Variants in GPHN observed in about 807,000 individuals in gnomAD.
The protein encoded by GPHN is gephyrin.
GPHN carries 17 observed loss-of-function variants against 95.5 expected under a neutral mutation model. The observed-to-expected ratio is 0.18, with a 90% CI of 0.12 to 0.27. The LOEUF is 0.27. GPHN is among the 10% of genes least tolerant of loss of function. GPHN has a pLI of 1.00. For missense variants in GPHN, 660 were observed against 978.1 expected, an observed-to-expected ratio of 0.67 and a Z score of 4.34; for synonymous variants, 320 against 322.5, an observed-to-expected ratio of 0.99 and a Z score of 0.08.
At chr14:67,610,577 A>G in the GPHN span, among the ~76,000 whole-genome samples, 1 of 152,150 alleles carries the variant, frequency 6.6e-6, no homozygotes, top group Non-Finnish European at 1.5e-5. Context: ...AACTTCCTCA[A>G]CTACTCCTAT....
At chr14:66,781,084 C>T (rs1027504553) in intron 3 of GPHN, among the ~76,000 whole-genome samples, 5 of 152,178 alleles carry the variant, frequency 3.3e-5, no homozygotes, top group African/African-American at 7.2e-5. Flanking sequence ...TTCAATTACA[C>T]GTATATTTAT....
intron 21 of GPHN, among the ~76,000 whole-genome samples, chr14:67,176,437 G>C (rs548493974): frequency 6.6e-6 from 1 of 152,142 alleles, no homozygotes; most frequent in Non-Finnish European, 1.5e-5. Context: ...CCACTTGATC[G>C]TGGTGGATAA....
intron 10 of GPHN, among the ~76,000 whole-genome samples, chr14:67,041,773 G>A (rs1335591151): frequency 6.6e-6 from 1 of 152,150 alleles, no homozygotes; most frequent in African/African-American, 2.4e-5. Context: ...TCTAATTCTA[G>A]ATCTTTGATG....
chr14:66,927,311 T>C lies in GPHN; in HGVS notation c.828+3019T>C, dbSNP rs544628366. On this transcript the variant is annotated intron_variant, in intron 8 of 22. Transcript: ENST00000478722. Reference sequence around the variant, plus strand: ...TTGCAGTGAGCTAAGATCGTGCCACTGCACTTCAGCCTGCGTGATGGAGCA... The same window carrying C: ...TTGCAGTGAGCTAAGATCGTGCCACCGCACTTCAGCCTGCGTGATGGAGCA... Among the ~76,000 whole-genome samples, 15 of 149,164 alleles carry C rather than the reference T, an allele frequency of 1.0e-4. No homozygotes were observed. In the South Asian group the frequency reaches 3.2e-3, roughly 31 times the overall value.
chr14:67,617,175 C>G, the GPHN span: 1 of 152,350 alleles, frequency 6.6e-6, no homozygotes, highest in Non-Finnish European at 1.5e-5. Flanking sequence ...CCGTACCTGG[C>G]CCTATTTTTA....
chr14:67,041,271 C>CT (rs2074686986), intron 10 of GPHN, among the ~76,000 whole-genome samples: 1 of 151,416 alleles, frequency 6.6e-6, no homozygotes, highest in African/African-American at 2.4e-5. Context: ...AGAAGGTGCA[C>CT]TTTTTTTACA....
At chr14:66,812,008 G>A (rs2060783258) in intron 3 of GPHN, among the ~76,000 whole-genome samples, 1 of 152,230 alleles carries the variant, frequency 6.6e-6, no homozygotes, top group Non-Finnish European at 1.5e-5. Context: ...TAGCCTGAGA[G>A]TAGGCCCCAA....
chr14:67,194,209 C>G, the GPHN span, among the ~76,000 whole-genome samples: 3 of 151,132 alleles, frequency 2.0e-5, no homozygotes, highest in Non-Finnish European at 4.4e-5. Flanking sequence ...CAAAAAAATA[C>G]ATAAATTAGC....
chr14:67,382,702 C>A, the GPHN span: 1 of 1,260,212 alleles, frequency 7.9e-7, no homozygotes, highest in Non-Finnish European at 1.1e-6. Flanking sequence ...GATGGTCATT[C>A]AGGCCTTTGA....
At chr14:67,492,377 A>G in the GPHN span, among the ~76,000 whole-genome samples, 99 of 152,322 alleles carry the variant, frequency 6.5e-4, no homozygotes, top group African/African-American at 1.8e-3. Context: ...AGATCCCATC[A>G]GGCAGCGGCT....
At chr14:67,372,705 G>C in the GPHN span, among the ~76,000 whole-genome samples, 406 of 152,076 alleles carry the variant, frequency 2.7e-3, 3 homozygotes, top group Admixed American at 6.0e-3. Context: ...GTGCGTGCCT[G>C]TAGTCCCAGC....
chr14:67,016,056 G>T (rs1472937179), intron 9 of GPHN, among the ~76,000 whole-genome samples: 2 of 152,008 alleles, frequency 1.3e-5, no homozygotes, highest in Non-Finnish European at 2.9e-5. Flanking sequence ...CTTAAAAAAA[G>T]GACACCTTTT....
At chr14:67,583,786 G>A in the GPHN span, 1 of 1,612,720 alleles carries the variant, frequency 6.2e-7, no homozygotes, top group South Asian at 1.1e-5. Context: ...AGGCCCTGGA[G>A]GCACATCCCC....
chr14:67,583,127 A>T, the GPHN span, among the ~76,000 whole-genome samples: 29 of 152,344 alleles, frequency 1.9e-4, no homozygotes, highest in East Asian at 4.2e-3. Flanking sequence ...AAAAATTTTT[A>T]AAAAAGAATA....
intron 8 of GPHN, among the ~76,000 whole-genome samples, chr14:66,935,174 C>A (rs2067047097): frequency 6.6e-6 from 1 of 152,022 alleles, no homozygotes; most frequent in Non-Finnish European, 1.5e-5. Flanking sequence ...GTTCAAAACT[C>A]AAAGTAATAA....
chr14:66,539,065 G>A (rs1373702285), intron 1 of GPHN, among the ~76,000 whole-genome samples: 5 of 152,104 alleles, frequency 3.3e-5, no homozygotes, highest in Admixed American at 3.3e-4. Flanking sequence ...TTGAAAGACT[G>A]TCAGATTTCT....
chr14:67,709,891 A>G, the GPHN span, among the ~76,000 whole-genome samples: 1 of 152,192 alleles, frequency 6.6e-6, no homozygotes, highest in Non-Finnish European at 1.5e-5. Context: ...CAAGCTGGAA[A>G]CTGCTTAGGG....
At chr14:67,469,754 AG>A in the GPHN span, among the ~76,000 whole-genome samples, 3 of 152,290 alleles carry the variant, frequency 2.0e-5, no homozygotes, top group East Asian at 5.8e-4. Context: ...CCAACAAAAC[AG>A]GGCTGCCAGG....
the GPHN span, among the ~76,000 whole-genome samples, chr14:67,676,514 T>A: frequency 6.6e-6 from 1 of 152,112 alleles, no homozygotes; most frequent in Non-Finnish European, 1.5e-5. Context: ...GAGGATCGCT[T>A]GAGCCCAGAG....
Sources: gnomAD v4.1 joint callset for allele counts (sites outside exome capture counted in the v4.1 genomes callset) on GRCh38, gnomAD v4.1.1 for gene constraint, MANE v1.5 for transcripts, NCBI Gene and HGNC (gene_info 2026-07-23, HGNC 2026-07-21) for gene names.